PPFIA1: variants seen among roughly 807,000 people sequenced by gnomAD.
The protein encoded by PPFIA1 is PPFI scaffold protein A1, also known as liprin-alpha-1.
PPFIA1 carries 25 observed loss-of-function variants against 149.9 expected under a neutral mutation model. The ratio of observed to expected loss-of-function variants is 0.17; its 90% confidence interval spans 0.12 to 0.23. The LOEUF (loss-of-function observed/expected upper bound fraction) is 0.23. PPFIA1 is among the 10% of genes least tolerant of loss of function. The probability of loss-of-function intolerance (pLI) is 1.00; values close to 1 mark genes in which losing one functional copy is unlikely to be tolerated. For synonymous variants in PPFIA1, 549 were observed against 552.8 expected, an observed-to-expected ratio of 0.99 and a Z score of 0.10; for missense variants, 1,362 against 1,506.5, an observed-to-expected ratio of 0.90 and a Z score of 1.59.
At chr11:70,338,479 A>G in intron 13 of PPFIA1, 26 bp downstream of exon 13, 1 of 1,574,202 alleles carries the variant, frequency 6.4e-7, no homozygotes, top group Non-Finnish European at 8.7e-7. Flanking sequence ...GTGAGCAGCC[A>G]TATTGTCAGC....
chr11:70,329,685 C>T (rs2054540546), intron 7 of PPFIA1, among the ~76,000 whole-genome samples: 1 of 151,926 alleles, frequency 6.6e-6, no homozygotes, highest in African/African-American at 2.4e-5. Flanking sequence ...TTTGGGAGGC[C>T]AAAGGAAGGC....
chr11:70,343,967 T>A (rs769847602), intron 15 of PPFIA1, 75 bp downstream of exon 15: 1 of 1,236,632 alleles, frequency 8.1e-7, no homozygotes, highest in Admixed American at 2.0e-5. Flanking sequence ...TGGAAAAGTC[T>A]GGATGAAATA....
chr11:70,281,277 G>C (rs2050744691), intron 2 of PPFIA1, among the ~76,000 whole-genome samples: 1 of 152,158 alleles, frequency 6.6e-6, no homozygotes, highest in African/African-American at 2.4e-5. Context: ...GCCCAGAGTA[G>C]GGACAGATCA....
At chr11:70,350,295 G>C (rs1235337262) in intron 16 of PPFIA1, among the ~76,000 whole-genome samples, 1 of 152,112 alleles carries the variant, frequency 6.6e-6, no homozygotes, top group Non-Finnish European at 1.5e-5. Context: ...AATGGAAGCT[G>C]TTTACACAAA....
At chr11:70,320,774 C>A (rs762903339) in intron 2 of PPFIA1, among the ~76,000 whole-genome samples, 2 of 152,086 alleles carry the variant, frequency 1.3e-5, no homozygotes, top group Admixed American at 1.3e-4. Context: ...ATAAGGTTTC[C>A]CCATCTAAGG....
chr11:70,357,737 G>T (rs565636656), intron 19 of PPFIA1, among the ~76,000 whole-genome samples: 1 of 151,970 alleles, frequency 6.6e-6, no homozygotes, highest in East Asian at 1.9e-4. Context: ...ACAGGCGCCC[G>T]CCACCACACC....
intron 2 of PPFIA1, among the ~76,000 whole-genome samples, chr11:70,289,585 G>C (rs1280735709): frequency 6.6e-6 from 1 of 152,062 alleles, no homozygotes; most frequent in Admixed American, 6.6e-5. Flanking sequence ...TAGAGTAATG[G>C]GTTTAAAACA....
At chr11:70,316,912 A>G (rs979839605) in intron 2 of PPFIA1, among the ~76,000 whole-genome samples, 2 of 152,242 alleles carry the variant, frequency 1.3e-5, no homozygotes, top group African/African-American at 4.8e-5. Flanking sequence ...AAACATCAGC[A>G]TTATCAGGCA....
intron 12 of PPFIA1, 55 bp from the exon 13 acceptor site, chr11:70,338,319 T>G: frequency 7.3e-7 from 1 of 1,365,196 alleles, no homozygotes. Context: ...TTGAAGTAAG[T>G]GGTTTTAAAA....
chr11:70,348,466 G>A, intron 16 of PPFIA1, 46 bp downstream of exon 16: 1 of 1,451,574 alleles, frequency 6.9e-7, no homozygotes, highest in South Asian at 1.2e-5. Context: ...CAGCATACCT[G>A]TATGAAATCT....
intron 2 of PPFIA1, among the ~76,000 whole-genome samples, chr11:70,317,617 T>C (rs17160777): frequency 0.22 from 33,284 of 152,008 alleles, 5,562 homozygotes; most frequent in African/African-American, 0.46. Flanking sequence ...TAGTTTGGGG[T>C]TCTTAGGAAA....
intron 18 of PPFIA1, 65 bp downstream of exon 18, chr11:70,355,876 G>T: frequency 6.5e-7 from 1 of 1,547,784 alleles, no homozygotes. Context: ...TGCCTTCGGT[G>T]CCATCAGTTC....
chr11:70,275,377 G>A (rs1269787920), intron 2 of PPFIA1, among the ~76,000 whole-genome samples: 2 of 152,166 alleles, frequency 1.3e-5, no homozygotes, highest in African/African-American at 2.4e-5. Context: ...AGACTCTTGT[G>A]TTTGCCTTTT....
At chr11:70,346,530 C>A (rs2055715888) in intron 15 of PPFIA1, among the ~76,000 whole-genome samples, 1 of 151,984 alleles carries the variant, frequency 6.6e-6, no homozygotes, top group South Asian at 2.1e-4. Flanking sequence ...TTTCATGTGC[C>A]ACCTTGAAAA....
At chr11:70,331,292 G>A (rs746246713) in intron 8 of PPFIA1, among the ~76,000 whole-genome samples, 6 of 151,498 alleles carry the variant, frequency 4.0e-5, no homozygotes, top group Admixed American at 1.3e-4. Context: ...CTGTGGTTTC[G>A]TAAACCATAC....
chr11:70,343,969 G>A, intron 15 of PPFIA1, 77 bp downstream of exon 15: 3 of 1,230,992 alleles, frequency 2.4e-6, no homozygotes, highest in Non-Finnish European at 3.5e-6. Context: ...GAAAAGTCTG[G>A]ATGAAATACT....
intron 2 of PPFIA1, among the ~76,000 whole-genome samples, chr11:70,317,932 A>T (rs987404462): frequency 2.0e-5 from 3 of 152,034 alleles, no homozygotes; most frequent in East Asian, 3.9e-4. Context: ...CCGATATTCC[A>T]CCTTCCTGGG....
In PPFIA1 at chr11:70,337,682, A is replaced by G. The variant is rs1406725725; in HGVS notation, c.1491+255A>G. Among the ~76,000 whole-genome samples the G allele has an allele frequency of 3.3e-5, 5 of 152,254 alleles. No homozygotes were observed. In the East Asian group the frequency reaches 7.7e-4, roughly 23 times the overall value. ...ATTTGAAGCTAAAATATTAGCATCA[A>G]TGACAGTGCTGTCCAACAGAAATAT... On this transcript the variant is annotated intron_variant, in intron 12 of 27. Transcript: ENST00000253925.
At chr11:70,306,776 A>G (rs1050004518) in intron 2 of PPFIA1, among the ~76,000 whole-genome samples, 1 of 152,268 alleles carries the variant, frequency 6.6e-6, no homozygotes. Context: ...GAGAAAAGGT[A>G]AATAATGAAG....
Sources: gnomAD v4.1 joint callset for allele counts (sites outside exome capture counted in the v4.1 genomes callset) on GRCh38, gnomAD v4.1.1 for gene constraint, MANE v1.5 for transcripts, NCBI Gene and HGNC (gene_info 2026-07-23, HGNC 2026-07-21) for gene names.